The following PRH1 variants were observed in gnomAD, a reference collection of about 807,000 sequenced individuals.
PRH1 encodes proline rich protein HaeIII subfamily 1, also known as salivary acidic proline-rich phosphoprotein 1/2.
PRH1 carries 7 observed loss-of-function variants against 7.9 expected under a neutral mutation model. The observed-to-expected ratio is 0.89, with a 90% CI of 0.50 to 1.67. The LOEUF (loss-of-function observed/expected upper bound fraction) is 1.67, where lower values mean the gene tolerates loss of function less well. Ranked by LOEUF, PRH1 falls within the 40% of genes most tolerant of loss-of-function variation. PRH1 has a pLI of 0.00. For missense variants in PRH1, 109 were observed against 223.6 expected, an observed-to-expected ratio of 0.49 and a Z score of 3.27; for synonymous variants, 45 against 80.8, an observed-to-expected ratio of 0.56 and a Z score of 2.38.
intron 1 of PRH1, among the ~76,000 whole-genome samples, chr12:11,136,891 A>G (rs565386292): frequency 1.6e-4 from 25 of 152,174 alleles, no homozygotes; most frequent in Non-Finnish European, 2.8e-4. Context: ...TAGTGAAGCT[A>G]CTCACAAGTT....
chr12:11,087,061 G>C (rs1407319600), intron 1 of PRH1, among the ~76,000 whole-genome samples: 1 of 92,680 alleles, frequency 1.1e-5, no homozygotes, highest in African/African-American at 3.4e-5. Flanking sequence ...ATTCGATACT[G>C]TTTTACTTGA....
At chr12:11,121,897 C>T (rs1030874115) in intron 1 of PRH1, among the ~76,000 whole-genome samples, 5 of 152,062 alleles carry the variant, frequency 3.3e-5, no homozygotes, top group African/African-American at 1.2e-4. Flanking sequence ...ACATGTGGTA[C>T]AAATTACAAT....
intron 1 of PRH1, among the ~76,000 whole-genome samples, chr12:11,112,670 A>G (rs912804198): frequency 1.4e-4 from 21 of 152,218 alleles, no homozygotes; most frequent in African/African-American, 5.1e-4. Flanking sequence ...ATTAAGTGCT[A>G]TTTATGACAA....
At chr12:10,917,078 A>G (rs1949982368) in intron 2 of PRH1, among the ~76,000 whole-genome samples, 2 of 151,996 alleles carry the variant, frequency 1.3e-5, no homozygotes, top group Admixed American at 6.6e-5. Context: ...ATATATATGT[A>G]TACATTTAAA....
At chr12:11,070,695 T>G (rs1314149132) in intron 1 of PRH1, among the ~76,000 whole-genome samples, 1 of 152,172 alleles carries the variant, frequency 6.6e-6, no homozygotes, top group Non-Finnish European at 1.5e-5. Flanking sequence ...TCGTATGAAA[T>G]TGCCACCAGT....
intron 2 of PRH1, among the ~76,000 whole-genome samples, chr12:10,917,256 C>G (rs980980223): frequency 6.6e-6 from 1 of 152,024 alleles, no homozygotes; most frequent in Non-Finnish European, 1.5e-5. Context: ...TCCTCTATAC[C>G]TGGCTTCTCT....
chr12:10,928,539 G>T (rs1950155053), intron 2 of PRH1, among the ~76,000 whole-genome samples: 1 of 152,152 alleles, frequency 6.6e-6, no homozygotes, highest in South Asian at 2.1e-4. Flanking sequence ...AATCCCTAAA[G>T]ATATTTTTTA....
chr12:10,923,373 C>T (rs1468854176), intron 2 of PRH1, among the ~76,000 whole-genome samples: 1 of 152,124 alleles, frequency 6.6e-6, no homozygotes, highest in Non-Finnish European at 1.5e-5. Flanking sequence ...AGGTGATCTG[C>T]CCGCCTTGGC....
chr12:11,040,066 C>T lies in PRH1; in HGVS notation c.-126+6954G>A, dbSNP rs180687891. Among the ~76,000 whole-genome samples, 835 of 152,244 alleles carry T rather than the reference C, an allele frequency of 5.5e-3. 5 individuals are homozygous for T. Among genetic ancestry groups the T allele is most frequent in the Middle Eastern group, 0.017 (5 of 294 alleles). ...AAATATTTATTGTTTAATTAAAATACTCAGCAATTGTGTAACTATTTTGGG... is the reference window on the plus strand; with the variant it reads ...AAATATTTATTGTTTAATTAAAATATTCAGCAATTGTGTAACTATTTTGGG... On this transcript the variant is annotated intron_variant, in intron 1 of 3. Coordinates refer to the PRH1 transcript ENST00000539853.
intron 1 of PRH1, among the ~76,000 whole-genome samples, chr12:11,064,504 G>A (rs1256740317): frequency 6.6e-6 from 1 of 151,860 alleles, no homozygotes; most frequent in Admixed American, 6.6e-5. Context: ...CAATTCCTCT[G>A]TATATATACC....
chr12:11,136,721 T>C (rs1946565937), intron 1 of PRH1, among the ~76,000 whole-genome samples: 1 of 152,178 alleles, frequency 6.6e-6, no homozygotes, highest in Non-Finnish European at 1.5e-5. Context: ...CATATTCAAC[T>C]TAATATTTTC....
chr12:11,123,508 G>A (rs1945987966), intron 1 of PRH1, among the ~76,000 whole-genome samples: 1 of 151,308 alleles, frequency 6.6e-6, no homozygotes, highest in Admixed American at 6.6e-5. Context: ...AGACACTATT[G>A]TTTTCTACAG....
At chr12:11,129,097 ATT>A (rs1209489860) in intron 1 of PRH1, among the ~76,000 whole-genome samples, 1 of 152,208 alleles carries the variant, frequency 6.6e-6, no homozygotes, top group Non-Finnish European at 1.5e-5. Context: ...AATTTTTAAA[ATT>A]TTTTGTAGAG....
At chr12:10,895,406 C>T (rs1949629828) in intron 2 of PRH1, 1 of 152,102 alleles carries the variant, frequency 6.6e-6, no homozygotes, top group African/African-American at 2.4e-5. Context: ...TATTGTTACC[C>T]GTTCTTAGAT....
intron 1 of PRH1, among the ~76,000 whole-genome samples, chr12:11,142,379 G>C (rs566786779): frequency 6.6e-6 from 1 of 152,172 alleles, no homozygotes; most frequent in East Asian, 1.9e-4. Context: ...CAAGTGACAA[G>C]ATCACAAAAA....
chr12:11,093,730 CA>C (rs1369232527), intron 1 of PRH1, among the ~76,000 whole-genome samples: 1 of 115,488 alleles, frequency 8.7e-6, no homozygotes, highest in East Asian at 2.1e-4. Context: ...TCAATCATTT[CA>C]CTTATTTTGA....
chr12:10,982,237 A>G (rs1390550271), intron 1 of PRH1, among the ~76,000 whole-genome samples: 2 of 152,236 alleles, frequency 1.3e-5, no homozygotes, highest in Non-Finnish European at 2.9e-5. Flanking sequence ...TGAATAAAAC[A>G]TAATAACTGC....
At chr12:11,155,392 G>A (rs1343560514) in intron 1 of PRH1, among the ~76,000 whole-genome samples, 2 of 152,176 alleles carry the variant, frequency 1.3e-5, no homozygotes, top group African/African-American at 4.8e-5. Flanking sequence ...CTGGAAAAAT[G>A]ATTATAAGTC....
In PRH1 at chr12:10,964,895, A is replaced by C. The variant is rs570561048; in HGVS notation, c.-59+8760T>G. On this transcript the variant is annotated intron_variant, in intron 2 of 3. Transcript: ENST00000539853. ...GTTTCCTTCATATTCTTTTGTCCAC[A>C]TACTCTCATCCATGTTTACCACAAC... The C allele has an allele frequency of 1.7e-5, 10 of 572,260 alleles. No individual in the cohort carries two copies. In the East Asian group the frequency reaches 4.1e-4, roughly 24 times the overall value. 35.4% of individuals were successfully genotyped at this position (572,260 alleles called of 1,614,324 possible). A position where few individuals can be genotyped will look rare whatever the true frequency, so the allele number is the denominator to read the frequency against.
Sources: gnomAD v4.1 joint callset for allele counts (sites outside exome capture counted in the v4.1 genomes callset) on GRCh38, gnomAD v4.1.1 for gene constraint, MANE v1.5 for transcripts, NCBI Gene and HGNC (gene_info 2026-07-23, HGNC 2026-07-21) for gene names.